FSD1L: variants seen among roughly 807,000 people sequenced by gnomAD.
The protein encoded by FSD1L is fibronectin type III and SPRY domain containing 1 like.
Under a neutral mutation model 71.6 loss-of-function variants are expected in FSD1L, and 45 were observed. The ratio of observed to expected loss-of-function variants is 0.63; its 90% CI spans 0.49 to 0.81. The LOEUF is 0.81. Ranked by LOEUF, FSD1L falls within the 30% of genes least tolerant of loss-of-function variation. FSD1L has a pLI of 0.00. For missense variants in FSD1L, 561 were observed against 618.1 expected (o/e 0.91, Z 0.98); for synonymous variants, 197 against 207.2 (o/e 0.95, Z 0.42).
intron 1 of FSD1L, among the ~76,000 whole-genome samples, chr9:105,458,395 G>A (rs547327732): frequency 1.1e-4 from 16 of 152,240 alleles, no homozygotes; most frequent in Admixed American, 3.9e-4. Context: ...GCCTTTTGGC[G>A]GTTCCTGAGT....
At chr9:105,529,051 A>G (rs575004872) in intron 10 of FSD1L, among the ~76,000 whole-genome samples, 3 of 152,242 alleles carry the variant, frequency 2.0e-5, no homozygotes, top group Non-Finnish European at 2.9e-5. Flanking sequence ...GAGAAATGCA[A>G]ATCAAAACCA....
chr9:105,527,716 A>G (rs1835605712), intron 10 of FSD1L, among the ~76,000 whole-genome samples: 1 of 148,884 alleles, frequency 6.7e-6, no homozygotes, highest in Admixed American at 6.6e-5. Context: ...AAAAAAAAAA[A>G]AGAAAAGAAA....
chr9:105,508,159 C>T (rs887829812), intron 8 of FSD1L, among the ~76,000 whole-genome samples: 137 of 144,546 alleles, frequency 9.5e-4, no homozygotes, highest in Non-Finnish European at 1.8e-3. Flanking sequence ...CCACTGCGCC[C>T]GACCACATAT....
intron 6 of FSD1L, 148 bp from the exon 7 acceptor site, chr9:105,484,233 C>A: frequency 1.8e-6 from 1 of 544,570 alleles, no homozygotes; most frequent in Non-Finnish European, 2.8e-6. Flanking sequence ...ATTTTGAAGA[C>A]TAAGATTAAA....
At chr9:105,524,709 A>G (rs1835397202) in intron 10 of FSD1L, 8 of 1,613,918 alleles carry the variant, frequency 5.0e-6, no homozygotes, top group Non-Finnish European at 6.8e-6. Flanking sequence ...ACGATCTTCT[A>G]AACTCCAGCC....
At chr9:105,447,924 G>T (rs951682899), upstream of FSD1L, 5 of 515,024 alleles carry the variant, frequency 9.7e-6, no homozygotes, top group Middle Eastern at 5.1e-4. Flanking sequence ...AGGCACTAGC[G>T]GTAGACAGAC....
At chr9:105,512,250 G>A (rs958278764) in intron 9 of FSD1L, among the ~76,000 whole-genome samples, 54 of 151,524 alleles carry the variant, frequency 3.6e-4, no homozygotes, top group Middle Eastern at 3.2e-3. Flanking sequence ...TGTACTCTTC[G>A]TCATGTAAAT....
At chr9:105,490,976 C>T (rs2131744002) in intron 7 of FSD1L, among the ~76,000 whole-genome samples, 1 of 150,126 alleles carries the variant, frequency 6.7e-6, no homozygotes, top group African/African-American at 2.5e-5. Flanking sequence ...TTAGGATTGA[C>T]TTGGCGATGT....
intron 8 of FSD1L, among the ~76,000 whole-genome samples, chr9:105,507,011 T>C (rs1020120754): frequency 2.0e-5 from 3 of 152,218 alleles, no homozygotes; most frequent in Admixed American, 6.5e-5. Context: ...TTATTACTTT[T>C]GGACATTTGT....
Position 105,458,253 on chromosome 9 carries a change from A to G in FSD1L, c.16-3267A>G, listed in dbSNP as rs538886498. Reference sequence around the variant, plus strand: ...GGTCTAGGCCCTTAGAAGTGTTGCTACTCTTCACTCCTGCAGTTCATGTCA... The same window carrying G: ...GGTCTAGGCCCTTAGAAGTGTTGCTGCTCTTCACTCCTGCAGTTCATGTCA... On this transcript the variant is annotated intron_variant, in intron 1 of 13. Transcript: ENST00000481272. 1.3e-4 allele frequency among the ~76,000 whole-genome samples: 19 copies of G among 151,168 alleles called. No individual in the cohort carries two copies. In the South Asian group the frequency reaches 1.7e-3, roughly 13 times the overall value.
intron 7 of FSD1L, among the ~76,000 whole-genome samples, chr9:105,506,074 A>T (rs1029128471): frequency 7.9e-5 from 12 of 152,184 alleles, no homozygotes; most frequent in Admixed American, 2.6e-4. Flanking sequence ...CTCTTGAATT[A>T]TTTCAGTCAT....
upstream of FSD1L, among the ~76,000 whole-genome samples, chr9:105,447,247 C>G (rs1829681005): frequency 6.9e-6 from 1 of 145,946 alleles, no homozygotes; most frequent in Non-Finnish European, 1.5e-5. Context: ...TTCCTGGAAC[C>G]CGGGAGGCAG....
At chr9:105,501,811 CT>C (rs1034886152) in intron 7 of FSD1L, among the ~76,000 whole-genome samples, 1 of 152,116 alleles carries the variant, frequency 6.6e-6, no homozygotes, top group African/African-American at 2.4e-5. Context: ...CAAACACAGA[CT>C]GTACTTTCCA....
chr9:105,517,551 C>T (rs1468747310), intron 10 of FSD1L, among the ~76,000 whole-genome samples: 1 of 152,140 alleles, frequency 6.6e-6, no homozygotes, highest in Non-Finnish European at 1.5e-5. Context: ...ATTTCATATC[C>T]AGCCAAACTA....
intron 10 of FSD1L, chr9:105,522,164 C>A (rs1835211603): frequency 3.1e-6 from 5 of 1,613,982 alleles, no homozygotes; most frequent in Non-Finnish European, 3.4e-6. Context: ...ATGTGTACAT[C>A]TCCCGAGAAC....
At chr9:105,464,141 T>C in intron 2 of FSD1L, 95 bp from the exon 3 acceptor site, 1 of 676,684 alleles carries the variant, frequency 1.5e-6, no homozygotes, top group South Asian at 1.8e-5. Context: ...TTATACAATA[T>C]ACTCTTACAT....
chr9:105,539,812 A>G (rs1164254484), intron 13 of FSD1L, among the ~76,000 whole-genome samples: 4 of 152,212 alleles, frequency 2.6e-5, no homozygotes, highest in Admixed American at 1.3e-4. Context: ...TCCATATTCT[A>G]TGTGGTTATA....
intron 7 of FSD1L, among the ~76,000 whole-genome samples, chr9:105,486,274 C>T (rs1832544254): frequency 1.3e-5 from 2 of 152,094 alleles, no homozygotes; most frequent in Admixed American, 1.3e-4. Context: ...AAGAGTAAAA[C>T]TGATATTAAA....
chr9:105,550,070 G>A lies in FSD1L; in HGVS notation c.*3587G>A, dbSNP rs577290242. 4 of 152,056 alleles carry A rather than the reference G, an allele frequency of 2.6e-5. No homozygotes were observed. The highest frequency in any genetic ancestry group is 9.6e-5 in the African/African-American group (4 of 41,556). The allele number at this position is 152,056 out of a possible 1,614,324, so 9.4% of individuals were successfully genotyped here. ...GCTAATCCATACAGCAAATATTTGA[G>A]TGTTTGTGATATGGCAGTAAAAATG... On this transcript the variant is annotated 3_prime_UTR_variant, in exon 14 of 14. Transcript: ENST00000481272.
Sources: allele counts gnomAD v4.1 joint callset (sites outside exome capture counted in the v4.1 genomes callset), GRCh38; gene constraint gnomAD v4.1.1; transcripts MANE v1.5; gene names NCBI Gene and HGNC (gene_info 2026-07-23, HGNC 2026-07-21).